Variants in DAPK2 observed in about 807,000 individuals in gnomAD.
DAPK2 encodes the protein death-associated protein kinase 2.
In DAPK2, 35 loss-of-function variants were observed where a neutral mutation model predicts 44.1. The ratio of observed to expected loss-of-function variants is 0.79; its 90% CI spans 0.61 to 1.05. The LOEUF is 1.05. Among genes scored for constraint, DAPK2 ranks in the 50% least tolerant of loss-of-function variants. The pLI is 0.00. For synonymous variants in DAPK2, 174 were observed against 182.6 expected, an observed-to-expected ratio of 0.95 and a Z score of 0.38; for missense variants, 453 against 483.2, an observed-to-expected ratio of 0.94 and a Z score of 0.59.
rs1452583916 is a variant in DAPK2, at chr15:63,939,157, A to G, written c.583+75T>C. ...CTTTGCTCAGAGGCCATAGCCCCAG[A>G]CACAGGTTTCTTCCCAGGATCCCTA... On this transcript the variant is annotated intron_variant, in intron 4 of 10. Transcript: ENST00000261891. This position sits in a 1 kb window ranked among gnomAD's most constrained non-coding sequence, Gnocchi z 4.3. 3.1e-6 allele frequency: 5 copies of G among 1,591,390 alleles called. No individual in the cohort carries two copies. The East Asian group carries it at 1.1e-4, about 36-fold the overall frequency.
intron 1 of DAPK2, among the ~76,000 whole-genome samples, chr15:64,003,379 T>C (rs911441570): frequency 2.0e-5 from 3 of 152,236 alleles, no homozygotes; most frequent in Admixed American, 6.5e-5. Flanking sequence ...CACTCTATCA[T>C]AGGCAGTGCA....
chr15:63,921,336 T>C (rs1389217263), intron 8 of DAPK2: 1 of 152,270 alleles, frequency 6.6e-6, no homozygotes, highest in Non-Finnish European at 1.5e-5. Context: ...GCCATAATGA[T>C]GTGACCTTGG....
At chr15:64,012,684 G>T (rs2079418865) in intron 1 of DAPK2, among the ~76,000 whole-genome samples, 1 of 152,138 alleles carries the variant, frequency 6.6e-6, no homozygotes, top group Non-Finnish European at 1.5e-5. Flanking sequence ...CTACCTTTTT[G>T]AAAATATAGA....
chr15:63,992,099 A>C (rs1293197173), intron 1 of DAPK2, among the ~76,000 whole-genome samples: 1 of 152,098 alleles, frequency 6.6e-6, no homozygotes, highest in Non-Finnish European at 1.5e-5. Flanking sequence ...AGCTGGGCTA[A>C]AGTATGACAA....
At chr15:63,973,594 A>G (rs762453420) in intron 2 of DAPK2, among the ~76,000 whole-genome samples, 1 of 152,252 alleles carries the variant, frequency 6.6e-6, no homozygotes, top group Non-Finnish European at 1.5e-5. Flanking sequence ...AGAATGAATC[A>G]TACCTTGAGT....
chr15:63,908,303 G>GAATTA lies in DAPK2; in HGVS notation c.*216_*217insTAATT. ...GAAAGCCCATTTTATGGAGAATTAA[G>GAATTA]AGCTTTGGGAATGCTGGAGCCTCCT... On this transcript the variant is annotated 3_prime_UTR_variant, in exon 11 of 11. Transcript: ENST00000261891. The surrounding 1 kb of genome is among the most constrained non-coding windows in gnomAD (Gnocchi z 5.7). 2.5e-6 allele frequency: 1 copy of GAATTA among 400,134 alleles called. No homozygotes were observed. Among genetic ancestry groups the GAATTA allele is most frequent in the Non-Finnish European group, 4.4e-6 (1 of 225,384 alleles). 24.8% of individuals were successfully genotyped at this position (400,134 alleles called of 1,614,324 possible). A position where few individuals can be genotyped will look rare whatever the true frequency, so the allele number is the denominator to read the frequency against.
intron 1 of DAPK2, among the ~76,000 whole-genome samples, chr15:63,991,010 T>G (rs1447423170): frequency 1.3e-5 from 2 of 152,076 alleles, no homozygotes; most frequent in Non-Finnish European, 2.9e-5. Context: ...TTTCCCACCC[T>G]TTCCCAACAC....
chr15:63,951,564 C>A (rs8025990), intron 3 of DAPK2, among the ~76,000 whole-genome samples: 1 of 152,078 alleles, frequency 6.6e-6, no homozygotes, highest in Non-Finnish European at 1.5e-5. Context: ...TCCTTGGCAG[C>A]GAGCATTTGT....
At chr15:63,915,346 C>T (rs1207023036) in intron 8 of DAPK2, among the ~76,000 whole-genome samples, 1 of 152,192 alleles carries the variant, frequency 6.6e-6, no homozygotes, top group Admixed American at 6.5e-5. Context: ...CCCTCCCCAA[C>T]CCATCAACCA....
At chr15:63,979,117 C>A (rs1218203582) in intron 2 of DAPK2, among the ~76,000 whole-genome samples, 1 of 152,192 alleles carries the variant, frequency 6.6e-6, no homozygotes, top group African/African-American at 2.4e-5. Context: ...GGCCCCAGAG[C>A]AGTCAGGGGC....
intron 1 of DAPK2, among the ~76,000 whole-genome samples, chr15:63,992,215 C>T (rs1034476091): frequency 2.0e-5 from 3 of 152,182 alleles, no homozygotes; most frequent in South Asian, 2.1e-4. Context: ...GACTTGGCTA[C>T]GTAAAGAAAG....
At chr15:64,038,725 A>G (rs1281978291) in intron 1 of DAPK2, among the ~76,000 whole-genome samples, 1 of 152,010 alleles carries the variant, frequency 6.6e-6, no homozygotes, top group Non-Finnish European at 1.5e-5. Flanking sequence ...CTGACATAAG[A>G]GTTCTATAAA....
chr15:63,999,329 G>A (rs1382863160), intron 1 of DAPK2, among the ~76,000 whole-genome samples: 1 of 152,200 alleles, frequency 6.6e-6, no homozygotes, highest in Non-Finnish European at 1.5e-5. Flanking sequence ...TGGGGACTGG[G>A]AGGACAGTTC....
chr15:63,922,679 A>T (rs2079110054), intron 8 of DAPK2: 1 of 1,463,458 alleles, frequency 6.8e-7, no homozygotes, highest in African/African-American at 1.4e-5. Context: ...AGCAGGGTGG[A>T]TGAGAACATG....
At chr15:64,035,217 A>G (rs1051224822) in intron 1 of DAPK2, among the ~76,000 whole-genome samples, 2 of 152,156 alleles carry the variant, frequency 1.3e-5, no homozygotes, top group Admixed American at 1.3e-4. Context: ...AGGATAGGAA[A>G]CAAGGAATCA....
At chr15:63,933,907 T>A (rs1397742390) in intron 4 of DAPK2, among the ~76,000 whole-genome samples, 4 of 152,280 alleles carry the variant, frequency 2.6e-5, no homozygotes, top group African/African-American at 7.2e-5. Flanking sequence ...ATTTTTTTTT[T>A]AAAGCTTTCA....
Position 63,939,454 on chromosome 15 carries a change from G to C in DAPK2, c.454-93C>G, listed in dbSNP as rs2077250510. On this transcript the variant is annotated intron_variant, in intron 3 of 10. Coordinates refer to ENST00000261891, the Ensembl canonical transcript of DAPK2. The surrounding 1 kb of genome is among the most constrained non-coding windows in gnomAD (Gnocchi z 4.3). ...GCTGGTTGGTTCGTGTTTTGGCTTT[G>C]GGGTTTGGGGTGGGACTTGGTGTTC... The C allele has an allele frequency of 7.8e-7, 1 of 1,280,118 alleles. No homozygotes were observed. Among genetic ancestry groups the C allele is most frequent in the East Asian group, 2.5e-5 (1 of 40,146 alleles). 79.3% of individuals were successfully genotyped at this position (1,280,118 alleles called of 1,614,324 possible).
intron 3 of DAPK2, 98 bp downstream of exon 4, chr15:63,971,325 G>A: frequency 7.1e-7 from 1 of 1,403,972 alleles, no homozygotes; most frequent in Non-Finnish European, 9.7e-7. Context: ...TGAGAAAGAA[G>A]GGCTGGTCGG....
At chr15:64,014,629 A>T (rs1038953733) in intron 1 of DAPK2, among the ~76,000 whole-genome samples, 1 of 152,244 alleles carries the variant, frequency 6.6e-6, no homozygotes, top group East Asian at 1.9e-4. Context: ...TTACACAAAA[A>T]TAAGACCTGG....
Sources: allele counts gnomAD v4.1 joint callset (sites outside exome capture counted in the v4.1 genomes callset), GRCh38; gene constraint gnomAD v4.1.1; non-coding constraint Gnocchi (gnomAD v3.1); transcripts MANE v1.5; gene names NCBI Gene and HGNC (gene_info 2026-07-23, HGNC 2026-07-21).